LRRC9: variants seen among roughly 807,000 people sequenced by gnomAD.
The protein encoded by LRRC9 is leucine-rich repeat-containing protein 9.
A neutral mutation model predicts 63.2 loss-of-function variants in LRRC9; 122 were observed. The observed-to-expected ratio is 1.93, with a 90% confidence interval of 1.67 to 2.24. The LOEUF (loss-of-function observed/expected upper bound fraction) is 2.24, where lower values mean the gene tolerates loss of function less well. Among genes scored for constraint, LRRC9 ranks in the 30% most tolerant of loss-of-function variants. The probability of loss-of-function intolerance (pLI) is 0.00; values close to 1 mark genes in which losing one functional copy is unlikely to be tolerated. For missense variants in LRRC9, 1,071 were observed against 627.7 expected (o/e 1.71, Z -7.55); for synonymous variants, 366 against 213.1 (o/e 1.72, Z -6.25).
At chr14:60,018,215 T>C in intron 24 of LRRC9, 156 bp from the exon 25 acceptor site, 1 of 573,748 alleles carries the variant, frequency 1.7e-6, no homozygotes, top group Non-Finnish European at 3.1e-6. Flanking sequence ...CAGCCGATCA[T>C]TTAACCAATT....
At chr14:60,050,897 A>C (rs1031783185) in intron 29 of LRRC9, among the ~76,000 whole-genome samples, 3 of 152,006 alleles carry the variant, frequency 2.0e-5, no homozygotes, top group Non-Finnish European at 2.9e-5. Context: ...CCATACCTGG[A>C]GGTATATCCA....
intron 29 of LRRC9, among the ~76,000 whole-genome samples, chr14:60,045,571 G>A (rs1595101593): frequency 6.6e-6 from 1 of 151,940 alleles, no homozygotes; most frequent in African/African-American, 2.4e-5. Flanking sequence ...AATGGCTTCC[G>A]GCTCTATCCA....
intron 6 of LRRC9, among the ~76,000 whole-genome samples, chr14:59,933,422 A>G (rs1889875983): frequency 6.6e-6 from 1 of 152,214 alleles, no homozygotes; most frequent in South Asian, 2.1e-4. Context: ...AACCAAATAA[A>G]GGGACTTAAT....
At position 60,003,602 on chromosome 14, in the gene LRRC9, A is replaced by G. The variant is rs1015179923; in HGVS notation, c.2665-19A>G. On this transcript the variant is annotated intron_variant, in intron 20 of 31. Transcript: ENST00000445360. The surrounding 1 kb of genome is among the most constrained non-coding windows in gnomAD (Gnocchi z 4.2). The stretch of plus-strand genomic sequence containing the variant: ...TTTATAAGATTTAGAAATAACATAC[A>G]ATGTAAATTATTCTACAGATAACTG... 2 of 618,230 alleles carry G rather than the reference A, an allele frequency of 3.2e-6. No homozygotes were observed. Among genetic ancestry groups the G allele is most frequent in the Non-Finnish European group, 5.7e-6 (2 of 351,084 alleles). The allele number at this position is 618,230 out of a possible 1,614,324, so 38.3% of individuals were successfully genotyped here.
intron 8 of LRRC9, among the ~76,000 whole-genome samples, chr14:59,956,195 T>G (rs1194038702): frequency 6.6e-6 from 1 of 152,184 alleles, no homozygotes; most frequent in African/African-American, 2.4e-5. Context: ...ATATCCTTGT[T>G]AACTTCCTGT....
chr14:60,023,286 A>G (rs187403210), intron 27 of LRRC9, among the ~76,000 whole-genome samples: 175 of 152,150 alleles, frequency 1.2e-3, no homozygotes, highest in Non-Finnish European at 2.0e-3. Context: ...TACTGGGCCA[A>G]AGATGAAGTT....
At chr14:60,025,086 T>A (rs778117005) in intron 27 of LRRC9, among the ~76,000 whole-genome samples, 14 of 151,368 alleles carry the variant, frequency 9.2e-5, no homozygotes, top group Admixed American at 3.9e-4. Flanking sequence ...TTTTATTTTT[T>A]ATTTTATTAT....
intron 29 of LRRC9, among the ~76,000 whole-genome samples, chr14:60,038,599 T>C (rs1892661150): frequency 6.6e-6 from 1 of 152,214 alleles, no homozygotes; most frequent in African/African-American, 2.4e-5. Flanking sequence ...ATGTTTGTAA[T>C]TTTTGCACAT....
At chr14:59,988,605 C>T (rs189248325) in intron 17 of LRRC9, among the ~76,000 whole-genome samples, 2 of 152,202 alleles carry the variant, frequency 1.3e-5, no homozygotes, top group Non-Finnish European at 2.9e-5. Flanking sequence ...ATATCATTTA[C>T]TGGAAAGATT....
intron 29 of LRRC9, among the ~76,000 whole-genome samples, chr14:60,034,592 T>C (rs550430264): frequency 1.4e-3 from 211 of 152,218 alleles, no homozygotes; most frequent in Middle Eastern, 0.014. Flanking sequence ...AGTGAGGACA[T>C]GTGATATTTG....
chr14:60,052,923 C>T (rs1893999229), intron 29 of LRRC9, 142 bp from the exon 30 acceptor site: 1 of 498,814 alleles, frequency 2.0e-6, no homozygotes, highest in Non-Finnish European at 3.6e-6. Context: ...AAAAAGGTAG[C>T]TCATTATCTG....
intron 13 of LRRC9, among the ~76,000 whole-genome samples, chr14:59,976,768 T>C (rs1442222459): frequency 6.6e-6 from 1 of 152,182 alleles, no homozygotes; most frequent in East Asian, 1.9e-4. Flanking sequence ...TTCTTGACTT[T>C]AGGATTTAAT....
At position 60,044,845 on chromosome 14, in the gene LRRC9, G is replaced by A. The variant is rs184944162; in HGVS notation, c.3991-8220G>A. On this transcript the variant is annotated intron_variant, in intron 29 of 31. Coordinates refer to ENST00000445360, the Ensembl canonical transcript of LRRC9. ...TTAACTTTACTGTTTCTTTATTAAC[G>A]TTCTGTCTGGATGATCTGTTCATGA... is the stretch of plus-strand genomic sequence containing the variant. Among the ~76,000 whole-genome samples the A allele has an allele frequency of 6.3e-4, 96 of 152,172 alleles. 1 individual carries two copies. The highest frequency in any genetic ancestry group is 1.3e-3 in the African/African-American group (53 of 41,530).
chr14:60,022,364 C>T (rs890067838), intron 26 of LRRC9, among the ~76,000 whole-genome samples: 1 of 151,656 alleles, frequency 6.6e-6, no homozygotes, highest in East Asian at 1.9e-4. Context: ...TGCTAAACTC[C>T]TTTATTGCTT....
At position 59,966,526 on chromosome 14, in the gene LRRC9, T is replaced by G; in HGVS notation, c.1212-63T>G. The G allele has an allele frequency of 2.0e-6, 1 of 500,926 alleles. No individual in the cohort carries two copies. The highest frequency in any genetic ancestry group is 3.6e-6 in the Non-Finnish European group (1 of 280,292). 31.0% of individuals were successfully genotyped at this position (500,926 alleles called of 1,614,324 possible). A position where few individuals can be genotyped will look rare whatever the true frequency, so the allele number is the denominator to read the frequency against. On this transcript the variant is annotated intron_variant, in intron 10 of 31. Coordinates refer to ENST00000445360, the Ensembl canonical transcript of LRRC9. The surrounding 1 kb of genome is among the most constrained non-coding windows in gnomAD (Gnocchi z 4.0). ...ACTTTTATCACGTAGTTTTCTGTTC[T>G]TAAACATTTTAAGGAAAATCTATTA...
intron 29 of LRRC9, among the ~76,000 whole-genome samples, chr14:60,034,015 C>CTTTTTTTTTTT (rs1157239003): frequency 3.4e-5 from 4 of 116,060 alleles, no homozygotes; most frequent in African/African-American, 7.4e-5. Context: ...TTTTTTCTTT[C>CTTTTTTTTTTT]TTTTTTTTTT....
rs986663902 is a variant in LRRC9, at chr14:60,003,545, A to C, written c.2665-76A>C. The C allele has an allele frequency of 4.0e-5, 22 of 552,444 alleles. No individual in the cohort carries two copies. Among genetic ancestry groups the C allele is most frequent in the Non-Finnish European group, 6.7e-5 (21 of 315,774 alleles). 34.2% of individuals were successfully genotyped at this position (552,444 alleles called of 1,614,324 possible). A position where few individuals can be genotyped will look rare whatever the true frequency, so the allele number is the denominator to read the frequency against. ...TTTATCACATTTGAATTATTTCATT[A>C]GCTTTTTAAAATGTTATTAACATTG... On this transcript the variant is annotated intron_variant, in intron 20 of 31. Transcript: ENST00000445360. This position sits in a 1 kb window ranked among gnomAD's most constrained non-coding sequence, Gnocchi z 4.2.
intron 16 of LRRC9, among the ~76,000 whole-genome samples, chr14:59,982,291 GC>G: frequency 6.6e-6 from 1 of 152,192 alleles, no homozygotes; most frequent in Admixed American, 6.5e-5. Flanking sequence ...GTTTTTAAAA[GC>G]TTTTTTAAAA....
At chr14:59,969,005 A>G (rs1292667574) in intron 12 of LRRC9, 2 of 152,202 alleles carry the variant, frequency 1.3e-5, no homozygotes, top group African/African-American at 2.4e-5. Context: ...TATTAGGTAC[A>G]TGTTGACATG....
Sources: allele counts gnomAD v4.1 joint callset (sites outside exome capture counted in the v4.1 genomes callset), GRCh38; gene constraint gnomAD v4.1.1; non-coding constraint Gnocchi (gnomAD v3.1); transcripts MANE v1.5; gene names NCBI Gene and HGNC (gene_info 2026-07-23, HGNC 2026-07-21).